The following LYG1 variants were observed in gnomAD, a reference collection of about 807,000 sequenced individuals.
LYG1 encodes the protein lysozyme g1, also known as lysozyme g-like protein 1.
LYG1 carries 17 observed loss-of-function variants against 21.7 expected under a neutral mutation model. That is an observed-to-expected ratio of 0.78 (90% CI 0.54 to 1.18). The LOEUF (loss-of-function observed/expected upper bound fraction) is 1.18, where lower values mean the gene tolerates loss of function less well. Ranked by LOEUF, LYG1 falls within the 50% of genes most tolerant of loss-of-function variation. The pLI, the probability that LYG1 is intolerant of heterozygous loss-of-function variation, is 0.00. For missense variants in LYG1, 211 were observed against 238.1 expected (o/e 0.89, Z 0.75); for synonymous variants, 81 against 87.4 (o/e 0.93, Z 0.41).
At chr2:99,299,542 A>T (rs552898711) in intron 1 of LYG1, among the ~76,000 whole-genome samples, 73 of 150,610 alleles carry the variant, frequency 4.8e-4, no homozygotes, top group African/African-American at 1.7e-3. Flanking sequence ...CTCCTGCCTC[A>T]GCCTCCTGAG....
At chr2:99,297,887 T>C (rs907721829) in intron 2 of LYG1, among the ~76,000 whole-genome samples, 2 of 152,144 alleles carry the variant, frequency 1.3e-5, no homozygotes, top group Non-Finnish European at 2.9e-5. Context: ...GATAATTTTT[T>C]AGTTTTTATG....
chr2:99,302,869 T>C (rs1228889618), upstream of LYG1, among the ~76,000 whole-genome samples: 1 of 151,780 alleles, frequency 6.6e-6, no homozygotes, highest in Non-Finnish European at 1.5e-5. Flanking sequence ...AATACAAAAA[T>C]TATCCAGGCA....
upstream of LYG1, among the ~76,000 whole-genome samples, chr2:99,301,722 A>G (rs1436912667): frequency 6.6e-6 from 1 of 150,438 alleles, no homozygotes; most frequent in African/African-American, 2.4e-5. Context: ...TGTTCCAAAA[A>G]AAAAACTTTC....
At position 99,291,432 on chromosome 2, in the gene LYG1, C is replaced by T. The variant is rs376069986; in HGVS notation, c.149-11G>A. On this transcript the variant is annotated splice_polypyrimidine_tract_variant and intron_variant, in intron 4 of 6. Transcript: ENST00000308528. ...CAGAAGCACGAACTCCTAAACCAAA[C>T]GCAAAAGGAATGATGCAGCTTGTTG... 1.4e-5 allele frequency: 22 copies of T among 1,613,288 alleles called. No individual in the cohort carries two copies. Among genetic ancestry groups the T allele is most frequent in the East Asian group, 6.7e-5 (3 of 44,888 alleles).
At chr2:99,303,976 C>T (rs2094160885), upstream of LYG1, among the ~76,000 whole-genome samples, 1 of 152,108 alleles carries the variant, frequency 6.6e-6, no homozygotes. Flanking sequence ...TAGAGAACAT[C>T]CTGGCTAACA....
At chr2:99,300,284 GGCA>G (rs1241849209) in intron 1 of LYG1, among the ~76,000 whole-genome samples, 1 of 152,006 alleles carries the variant, frequency 6.6e-6, no homozygotes, top group Non-Finnish European at 1.5e-5. Context: ...CCTCTGGGCA[GGCA>G]AATCTTCCCT....
upstream of LYG1, among the ~76,000 whole-genome samples, chr2:99,303,762 T>G (rs1199936566): frequency 6.6e-6 from 1 of 152,212 alleles, no homozygotes; most frequent in Non-Finnish European, 1.5e-5. Flanking sequence ...GTAGCTTCCA[T>G]AATTCCCTTG....
chr2:99,291,647 T>G (rs1335081151), intron 4 of LYG1, among the ~76,000 whole-genome samples: 1 of 152,186 alleles, frequency 6.6e-6, no homozygotes, highest in Non-Finnish European at 1.5e-5. Context: ...CCCCTGTGGC[T>G]GTCAGTGCCC....
At chr2:99,299,425 TTTTAA>T (rs939825240) in intron 1 of LYG1, among the ~76,000 whole-genome samples, 1 of 151,724 alleles carries the variant, frequency 6.6e-6, no homozygotes, top group African/African-American at 2.4e-5. Flanking sequence ...TTTAAAATTG[TTTTAA>T]TTTTTTTTTT....
chr2:99,290,868 G>A (rs948777670), intron 5 of LYG1, among the ~76,000 whole-genome samples: 1 of 152,086 alleles, frequency 6.6e-6, no homozygotes, highest in Admixed American at 6.5e-5. Flanking sequence ...TGTAAGAATG[G>A]CATTTTATAG....
intron 2 of LYG1, among the ~76,000 whole-genome samples, chr2:99,297,494 A>G (rs1397588486): frequency 1.3e-5 from 2 of 152,192 alleles, no homozygotes; most frequent in African/African-American, 4.8e-5. Flanking sequence ...TTGGAAACCC[A>G]AGTGGAAGGA....
chr2:99,286,976 T>C (rs1258706741), intron 5 of LYG1, among the ~76,000 whole-genome samples: 1 of 152,180 alleles, frequency 6.6e-6, no homozygotes, highest in East Asian at 1.9e-4. Flanking sequence ...CATAGATGAA[T>C]CTTGAGGACA....
chr2:99,292,006 G>A (rs2094119954), intron 4 of LYG1, among the ~76,000 whole-genome samples: 1 of 152,112 alleles, frequency 6.6e-6, no homozygotes, highest in African/African-American at 2.4e-5. Context: ...AGCACCCTCG[G>A]CCGGGCGCAG....
At chr2:99,289,870 GT>G (rs869211622) in intron 5 of LYG1, among the ~76,000 whole-genome samples, 1 of 146,412 alleles carries the variant, frequency 6.8e-6, no homozygotes, top group South Asian at 2.2e-4. Context: ...TGTTGTTGTT[GT>G]TTTTTGAGAT....
intron 2 of LYG1, among the ~76,000 whole-genome samples, chr2:99,297,800 G>C (rs2094141339): frequency 6.6e-6 from 1 of 152,088 alleles, no homozygotes; most frequent in Admixed American, 6.6e-5. Context: ...CTGCAGCCTT[G>C]ACCTCCTGGG....
chr2:99,293,791 C>T (rs189417940), intron 3 of LYG1, among the ~76,000 whole-genome samples: 334 of 152,274 alleles, frequency 2.2e-3, no homozygotes, highest in Non-Finnish European at 3.1e-3. Context: ...ATCTACAATT[C>T]ACACCAGAAT....
At chr2:99,302,028 TCAGC>T (rs2094156073), upstream of LYG1, among the ~76,000 whole-genome samples, 1 of 152,214 alleles carries the variant, frequency 6.6e-6, no homozygotes, top group African/African-American at 2.4e-5. Context: ...GTGCCCCAGC[TCAGC>T]TGAACAGCTT....
chr2:99,287,859 G>A (rs1412160607), intron 5 of LYG1, among the ~76,000 whole-genome samples: 4 of 152,036 alleles, frequency 2.6e-5, no homozygotes, highest in Non-Finnish European at 5.9e-5. Context: ...TTTGTAAAAT[G>A]TTCCTCATGT....
chr2:99,291,019 T>A (rs2094116566), intron 5 of LYG1, among the ~76,000 whole-genome samples: 1 of 152,208 alleles, frequency 6.6e-6, no homozygotes, highest in African/African-American at 2.4e-5. Context: ...GCCCGGATGA[T>A]ATTCTGGAAA....
Sources: allele counts gnomAD v4.1 joint callset (sites outside exome capture counted in the v4.1 genomes callset), GRCh38; gene constraint gnomAD v4.1.1; transcripts MANE v1.5; gene names NCBI Gene and HGNC (gene_info 2026-07-23, HGNC 2026-07-21).